Variants in HS6ST3 observed in about 807,000 individuals in gnomAD.
HS6ST3 encodes the protein heparan-sulfate 6-O-sulfotransferase 3.
Under a neutral mutation model 36.7 loss-of-function variants are expected in HS6ST3, and 12 were observed. The observed-to-expected ratio is 0.33, with a 90% CI of 0.21 to 0.53. The LOEUF is 0.53. Among genes scored for constraint, HS6ST3 ranks in the 20% least tolerant of loss-of-function variants. The pLI is 0.95. For missense variants in HS6ST3, 584 were observed against 640.9 expected (o/e 0.91, Z 0.96); for synonymous variants, 240 against 257.5 (o/e 0.93, Z 0.65).
intron 1 of HS6ST3, among the ~76,000 whole-genome samples, chr13:96,561,785 A>C (rs1386439897): frequency 6.6e-6 from 1 of 152,224 alleles, no homozygotes; most frequent in African/African-American, 2.4e-5. Flanking sequence ...AATGCTCATC[A>C]TCACTAATCA....
At position 96,409,476 on chromosome 13, in the gene HS6ST3, C is replaced by T. The variant is rs569221665; in HGVS notation, c.707+317907C>T. On this transcript the variant is annotated intron_variant, in intron 1 of 1. Transcript: ENST00000376705. ...GAAATATTTGTTAAACTTATGACTCCTGGGTGGGAAGAGTGTTGATAATGA... is the reference window on the plus strand; with the variant it reads ...GAAATATTTGTTAAACTTATGACTCTTGGGTGGGAAGAGTGTTGATAATGA... Among the ~76,000 whole-genome samples the T allele has an allele frequency of 2.6e-5, 4 of 152,212 alleles. No individual in the cohort carries two copies. The East Asian group carries it at 7.7e-4, about 29-fold the overall frequency.
chr13:96,671,405 G>A (rs1281681908), intron 1 of HS6ST3, among the ~76,000 whole-genome samples: 1 of 152,110 alleles, frequency 6.6e-6, no homozygotes, highest in Admixed American at 6.6e-5. Context: ...TAACTACAAA[G>A]ATGTATCCTG....
chr13:96,555,850 G>A (rs920047014), intron 1 of HS6ST3, among the ~76,000 whole-genome samples: 1 of 151,894 alleles, frequency 6.6e-6, no homozygotes, highest in Non-Finnish European at 1.5e-5. Flanking sequence ...ATACTGAACT[G>A]AAGCAAGATG....
At chr13:96,609,053 T>C (rs2056448543) in intron 1 of HS6ST3, among the ~76,000 whole-genome samples, 1 of 152,068 alleles carries the variant, frequency 6.6e-6, no homozygotes, top group Non-Finnish European at 1.5e-5. Context: ...CACTGCAAGC[T>C]CCACCTCCCG....
intron 1 of HS6ST3, among the ~76,000 whole-genome samples, chr13:96,484,894 T>C (rs971565871): frequency 6.6e-6 from 1 of 152,164 alleles, no homozygotes; most frequent in Admixed American, 6.6e-5. Flanking sequence ...TTTATTTTAA[T>C]TTTTTGAGGC....
At chr13:96,578,357 C>T (rs2056329288) in intron 1 of HS6ST3, among the ~76,000 whole-genome samples, 2 of 152,150 alleles carry the variant, frequency 1.3e-5, no homozygotes, top group South Asian at 2.1e-4. Flanking sequence ...GGGTCATCCA[C>T]GTGGCAGTTT....
At chr13:96,765,060 C>CTTTTTTTTTTTTTT (rs11423735) in intron 1 of HS6ST3, among the ~76,000 whole-genome samples, 7 of 93,906 alleles carry the variant, frequency 7.5e-5, no homozygotes, top group Admixed American at 2.7e-4. Context: ...TTGTTTCTTT[C>CTTTTTTTTTTTTTT]TTTTTTTTTT....
At position 96,623,210 on chromosome 13, in the gene HS6ST3, C is replaced by T. The variant is rs376256850; in HGVS notation, c.708-209280C>T. On this transcript the variant is annotated intron_variant, in intron 1 of 1. Transcript: ENST00000376705. ...GCAGGAATCCCAGGAGTATTACCAG[C>T]CAAGAATCAGGGTAAAGATTCAGAC... Among the ~76,000 whole-genome samples the T allele has an allele frequency of 5.3e-5, 8 of 152,064 alleles. No individual in the cohort carries two copies. The East Asian group carries it at 1.5e-3, about 29-fold the overall frequency.
At chr13:96,335,156 G>T (rs951438050) in intron 1 of HS6ST3, among the ~76,000 whole-genome samples, 4 of 152,112 alleles carry the variant, frequency 2.6e-5, no homozygotes, top group African/African-American at 4.8e-5. Context: ...GGTGTCATGT[G>T]TGCCATGTGC....
chr13:96,807,805 G>T (rs1204308213), intron 1 of HS6ST3, among the ~76,000 whole-genome samples: 8 of 151,206 alleles, frequency 5.3e-5, no homozygotes, highest in African/African-American at 1.7e-4. Context: ...GGTGGAGCTT[G>T]CAGTGAGCCG....
intron 1 of HS6ST3, among the ~76,000 whole-genome samples, chr13:96,400,852 G>A (rs1177161629): frequency 1.4e-4 from 21 of 152,016 alleles, no homozygotes; most frequent in Admixed American, 9.8e-4. Flanking sequence ...ATTTCCGGGC[G>A]TTTTCTTTTC....
chr13:96,310,684 C>G (rs2054936455), intron 1 of HS6ST3, among the ~76,000 whole-genome samples: 1 of 150,256 alleles, frequency 6.7e-6, no homozygotes. Context: ...TCCCTCCCTC[C>G]CTATCTCCTT....
chr13:96,516,041 T>A (rs939186991), intron 1 of HS6ST3, among the ~76,000 whole-genome samples: 8 of 152,126 alleles, frequency 5.3e-5, no homozygotes, highest in African/African-American at 1.9e-4. Flanking sequence ...GATGATGATG[T>A]TGAAGATGCT....
Position 96,302,399 on chromosome 13 carries a change from G to C in HS6ST3, c.707+210830G>C, listed in dbSNP as rs144133696. Among the ~76,000 whole-genome samples the C allele has an allele frequency of 7.2e-4, 110 of 152,228 alleles. 2 individuals are homozygous for C. The highest frequency in any genetic ancestry group is 2.5e-3 in the African/African-American group (105 of 41,562). ...CAAAATTTCATAGCCTTTTAAAATAGCCTTGAAGATTACTTAAGGATATGG... is the reference window on the plus strand; with the variant it reads ...CAAAATTTCATAGCCTTTTAAAATACCCTTGAAGATTACTTAAGGATATGG... On this transcript the variant is annotated intron_variant, in intron 1 of 1. Transcript: ENST00000376705.
chr13:96,655,579 G>T (rs2056621859), intron 1 of HS6ST3, among the ~76,000 whole-genome samples: 1 of 151,878 alleles, frequency 6.6e-6, no homozygotes, highest in South Asian at 2.1e-4. Context: ...TTTTTTTGAA[G>T]CCTCTGATAT....
In HS6ST3 at chr13:96,178,183, A is replaced by T. The variant is rs149044393; in HGVS notation, c.707+86614A>T. Among the ~76,000 whole-genome samples, 10 of 152,342 alleles carry T rather than the reference A, an allele frequency of 6.6e-5. No homozygotes were observed. The East Asian group carries it at 1.7e-3, about 26-fold the overall frequency. On this transcript the variant is annotated intron_variant, in intron 1 of 1. Transcript: ENST00000376705. Reference sequence around the variant, plus strand: ...TAATACTTCTGAGGCTGAATATTGGATACATGGGAGTATATTATATTATCC... The same window carrying T: ...TAATACTTCTGAGGCTGAATATTGGTTACATGGGAGTATATTATATTATCC...
intron 1 of HS6ST3, among the ~76,000 whole-genome samples, chr13:96,310,252 T>C (rs1414665376): frequency 2.6e-5 from 4 of 152,194 alleles, no homozygotes; most frequent in African/African-American, 7.2e-5. Flanking sequence ...CACAGATATA[T>C]GTATATAGAA....
In HS6ST3 at chr13:96,833,124, C is replaced by G. The variant is rs1435633058; in HGVS notation, c.1342C>G (p.Gln448Glu). The G allele has an allele frequency of 1.2e-6, 2 of 1,602,322 alleles. No individual in the cohort carries two copies. The highest frequency in any genetic ancestry group is 3.3e-5 in the Admixed American group (2 of 59,900). Residue 448 changes from glutamine (Q) to glutamate (E), a missense_variant, in exon 2 of 2, where the codon CAG (glutamine) becomes GAG (glutamate). By Grantham distance (29) the Gln-to-Glu change is conservative. Transcript: ENST00000376705. ...RRLQREHRDH[Q>E]WPKEDGAAEG... Reference sequence around the variant, plus strand: ...GCTGCAGCGAGAGCACAGGGACCACCAGTGGCCCAAAGAAGATGGGGCTGC... The same window carrying G: ...GCTGCAGCGAGAGCACAGGGACCACGAGTGGCCCAAAGAAGATGGGGCTGC...
chr13:96,154,613 C>T (rs983333353), intron 1 of HS6ST3, among the ~76,000 whole-genome samples: 2 of 151,846 alleles, frequency 1.3e-5, no homozygotes, highest in African/African-American at 4.8e-5. Context: ...AAAAAAGAAG[C>T]TTTAATAGAT....
Sources: gnomAD v4.1 joint callset for allele counts (sites outside exome capture counted in the v4.1 genomes callset) on GRCh38, gnomAD v4.1.1 for gene constraint, MANE v1.5 for transcripts, NCBI Gene and HGNC (gene_info 2026-07-23, HGNC 2026-07-21) for gene names.